NPAS3: variants seen among roughly 807,000 people sequenced by gnomAD.
The protein encoded by NPAS3 is neuronal PAS domain-containing protein 3.
In NPAS3, 14 loss-of-function variants were observed where a neutral mutation model predicts 73.1. The ratio of observed to expected loss-of-function variants is 0.19; its 90% CI spans 0.13 to 0.30. NPAS3 has a LOEUF of 0.30. Ranked by LOEUF, NPAS3 falls within the 10% of genes least tolerant of loss-of-function variation. The probability of loss-of-function intolerance (pLI) is 1.00; values close to 1 mark genes in which losing one functional copy is unlikely to be tolerated. For synonymous variants in NPAS3, 620 were observed against 541.5 expected (o/e 1.14, Z -2.01); for missense variants, 1,096 against 1,250.0 (o/e 0.88, Z 1.86).
intron 1 of NPAS3, among the ~76,000 whole-genome samples, chr14:33,019,422 T>C (rs1420391609): frequency 6.6e-6 from 1 of 152,228 alleles, no homozygotes; most frequent in Non-Finnish European, 1.5e-5. Context: ...GTATTTGTAT[T>C]AACACACAGC....
chr14:33,786,656 A>G (rs1032178583), intron 9 of NPAS3, among the ~76,000 whole-genome samples: 3 of 152,264 alleles, frequency 2.0e-5, no homozygotes, highest in Non-Finnish European at 4.4e-5. Flanking sequence ...TCACTGTTGT[A>G]AACTTATTAG....
intron 1 of NPAS3, among the ~76,000 whole-genome samples, chr14:32,945,616 C>T (rs1175690088): frequency 6.6e-6 from 1 of 152,120 alleles, no homozygotes; most frequent in East Asian, 1.9e-4. Flanking sequence ...GTGGAAGGGC[C>T]TGCGTTTTCA....
chr14:32,969,053 T>A (rs977013411), intron 1 of NPAS3, among the ~76,000 whole-genome samples: 1 of 152,148 alleles, frequency 6.6e-6, no homozygotes, highest in African/African-American at 2.4e-5. Flanking sequence ...CTGCGTTAGT[T>A]TGCTGAGGAT....
intron 2 of NPAS3, among the ~76,000 whole-genome samples, chr14:33,077,699 AAT>A (rs2041706259): frequency 6.7e-6 from 1 of 149,508 alleles, no homozygotes; most frequent in African/African-American, 2.5e-5. Context: ...GACTTGATTT[AAT>A]TACAGTTTCT....
intron 1 of NPAS3, among the ~76,000 whole-genome samples, chr14:32,974,775 C>G (rs1486945591): frequency 6.6e-6 from 1 of 152,118 alleles, no homozygotes; most frequent in African/African-American, 2.4e-5. Flanking sequence ...TCAGAAGCCC[C>G]AAGCTGACTT....
intron 2 of NPAS3, among the ~76,000 whole-genome samples, chr14:33,069,432 G>C (rs1261269002): frequency 6.6e-6 from 1 of 152,158 alleles, no homozygotes; most frequent in Non-Finnish European, 1.5e-5. Context: ...ACTCGTTAAA[G>C]GCCAATGATT....
intron 3 of NPAS3, among the ~76,000 whole-genome samples, chr14:33,317,365 T>C (rs752011688): frequency 7.2e-5 from 11 of 152,052 alleles, no homozygotes; most frequent in Non-Finnish European, 1.2e-4. Flanking sequence ...TTATCCCACT[T>C]TACAGATGAG....
chr14:32,937,910 G>T (rs922940709), upstream of NPAS3, among the ~76,000 whole-genome samples: 4 of 152,052 alleles, frequency 2.6e-5, no homozygotes, highest in Admixed American at 1.3e-4. Flanking sequence ...CTCTGACCAG[G>T]GTCTACCCAG....
chr14:33,462,432 G>A (rs1225929198), intron 4 of NPAS3, among the ~76,000 whole-genome samples: 2 of 152,152 alleles, frequency 1.3e-5, no homozygotes, highest in African/African-American at 2.4e-5. Context: ...GAGTGGAAAT[G>A]ACATGTTTCC....
At chr14:33,247,096 TTTGTGCAAACTTCCTTAC>T (rs1486298917) in intron 3 of NPAS3, among the ~76,000 whole-genome samples, 11 of 152,116 alleles carry the variant, frequency 7.2e-5, no homozygotes, top group African/African-American at 2.7e-4. Flanking sequence ...TAGCACTGTA[TTTGTGCAAACTTCCTTAC>T]ATTCTAAAGT....
intron 6 of NPAS3, among the ~76,000 whole-genome samples, chr14:33,727,757 G>A (rs1197456736): frequency 1.3e-5 from 2 of 152,038 alleles, no homozygotes; most frequent in Non-Finnish European, 2.9e-5. Flanking sequence ...TGCCACACTC[G>A]ATCCCATATG....
intron 4 of NPAS3, among the ~76,000 whole-genome samples, chr14:33,418,842 C>T (rs1594873235): frequency 6.6e-6 from 1 of 151,850 alleles, no homozygotes; most frequent in African/African-American, 2.4e-5. Context: ...AGAGGCTTGT[C>T]CTACTATATG....
chr14:32,944,873 A>G (rs1275285860), intron 1 of NPAS3, among the ~76,000 whole-genome samples: 4 of 152,342 alleles, frequency 2.6e-5, no homozygotes, highest in Admixed American at 2.0e-4. Flanking sequence ...CTTGTATGTG[A>G]AATCAGGGGA....
At chr14:33,218,526 G>T (rs928018834) in intron 3 of NPAS3, among the ~76,000 whole-genome samples, 7 of 152,048 alleles carry the variant, frequency 4.6e-5, no homozygotes, top group Non-Finnish European at 8.8e-5. Flanking sequence ...CGTTCATACG[G>T]ATAAACAAGC....
At chr14:33,684,048 T>TACAA (rs1359114199) in intron 6 of NPAS3, among the ~76,000 whole-genome samples, 2 of 151,936 alleles carry the variant, frequency 1.3e-5, no homozygotes, top group Non-Finnish European at 2.9e-5. Flanking sequence ...GTGGCCAAGA[T>TACAA]TAGAGGAAAG....
rs546163746 is a variant in NPAS3, at chr14:33,553,382, T to C, written c.469-6739T>C. On this transcript the variant is annotated intron_variant, in intron 4 of 11. Coordinates refer to ENST00000356141, the Ensembl canonical transcript of NPAS3. The stretch of plus-strand genomic sequence containing the variant: ...CCTCTTTATTCTGCTGCCTCTCTTT[T>C]AAGGACTGAAGAGAGGCCATCTATG... Among the ~76,000 whole-genome samples the C allele has an allele frequency of 2.6e-5, 4 of 152,340 alleles. No individual in the cohort carries two copies. The South Asian group carries it at 8.3e-4, about 32-fold the overall frequency.
chr14:32,934,920 G>A (rs1263488936), upstream of NPAS3: 12 of 1,048,818 alleles, frequency 1.1e-5, no homozygotes, highest in Non-Finnish European at 1.4e-5. This position sits in a 1 kb window ranked among gnomAD's most constrained non-coding sequence, Gnocchi z 4.1. Flanking sequence ...CGGGGGTGCC[G>A]GCCGGCGCGG....
At chr14:33,125,825 T>A (rs1465795838) in intron 2 of NPAS3, among the ~76,000 whole-genome samples, 1 of 152,184 alleles carries the variant, frequency 6.6e-6, no homozygotes, top group East Asian at 1.9e-4. Flanking sequence ...TATTACTTAC[T>A]TAAAAATAGT....
chr14:33,771,798 G>A (rs11844580), intron 7 of NPAS3, among the ~76,000 whole-genome samples: 19,559 of 151,512 alleles, frequency 0.13, 1,439 homozygotes, highest in South Asian at 0.21. Flanking sequence ...GCGACAGAGC[G>A]AGACTCCATC....
Sources: allele counts gnomAD v4.1 joint callset (sites outside exome capture counted in the v4.1 genomes callset), GRCh38; gene constraint gnomAD v4.1.1; non-coding constraint Gnocchi (gnomAD v3.1); transcripts MANE v1.5; gene names NCBI Gene and HGNC (gene_info 2026-07-23, HGNC 2026-07-21).